TSHZ2: variants seen among roughly 807,000 people sequenced by gnomAD.
TSHZ2 encodes the protein teashirt homolog 2.
Under a neutral mutation model 74.4 loss-of-function variants are expected in TSHZ2, and 21 were observed. The ratio of observed to expected loss-of-function variants is 0.28; its 90% confidence interval spans 0.20 to 0.41. The LOEUF is 0.41. Ranked by LOEUF, TSHZ2 falls within the 10% of genes least tolerant of loss-of-function variation. The pLI, the probability that TSHZ2 is intolerant of heterozygous loss-of-function variation, is 1.00. For synonymous variants in TSHZ2, 540 were observed against 515.3 expected (o/e 1.05, Z -0.65); for missense variants, 1,244 against 1,293.5 (o/e 0.96, Z 0.59).
At chr20:53,069,929 C>T (rs540750710) in intron 1 of TSHZ2, among the ~76,000 whole-genome samples, 196 of 152,236 alleles carry the variant, frequency 1.3e-3, no homozygotes, top group Non-Finnish European at 2.0e-3. Context: ...CTTAGGGTCC[C>T]GTTCCAACAT....
At chr20:53,471,692 T>C (rs1320334494) in intron 2 of TSHZ2, among the ~76,000 whole-genome samples, 1 of 151,932 alleles carries the variant, frequency 6.6e-6, no homozygotes, top group East Asian at 1.9e-4. Flanking sequence ...TCTTGGTATA[T>C]ATCAAGTGGC....
intron 1 of TSHZ2, among the ~76,000 whole-genome samples, chr20:53,028,227 C>T (rs1161627674): frequency 1.3e-5 from 2 of 152,188 alleles, no homozygotes; most frequent in African/African-American, 4.8e-5. Flanking sequence ...ACATGAAAGC[C>T]ACACTCATGG....
rs869242676 is a variant in TSHZ2, at chr20:53,038,192, C to CAAAAAAAAAA, written c.40+64891_40+64900dup. On this transcript the variant is annotated intron_variant, in intron 1 of 2. Coordinates refer to ENST00000371497, the MANE Select transcript of TSHZ2 (RefSeq NM_173485.6). ...GGGCGACAAGAGCGGGATTCCGTCT[C>CAAAAAAAAAA]AAAAAAAAAAAAAAAAAAAAAAAAA... Among the ~76,000 whole-genome samples the CAAAAAAAAAA allele has an allele frequency of 1.3e-4, 7 of 53,942 alleles. 1 individual carries two copies. Among genetic ancestry groups the CAAAAAAAAAA allele is most frequent in the Non-Finnish European group, 1.7e-4 (5 of 28,904 alleles). 35.4% of individuals were successfully genotyped at this position (53,942 alleles called of 152,430 possible).
At chr20:53,219,061 C>G (rs1989496338) in intron 1 of TSHZ2, among the ~76,000 whole-genome samples, 1 of 152,200 alleles carries the variant, frequency 6.6e-6, no homozygotes, top group Admixed American at 6.5e-5. Flanking sequence ...CCATTTCCAA[C>G]AAGAAAACAG....
At chr20:53,261,276 G>C (rs548800714) in intron 2 of TSHZ2, among the ~76,000 whole-genome samples, 15 of 152,288 alleles carry the variant, frequency 9.8e-5, no homozygotes, top group African/African-American at 3.4e-4. Flanking sequence ...ATCAAACATT[G>C]CAACTCAGGG....
In TSHZ2 at chr20:53,149,962, G is replaced by T. The variant is rs559058097; in HGVS notation, c.41-103537G>T. Reference sequence around the variant, plus strand: ...AATAGAGTCTGCTTATCATTTCATTGCAAAGGGGAAGTGTTCCTTATTCTA... The same window carrying T: ...AATAGAGTCTGCTTATCATTTCATTTCAAAGGGGAAGTGTTCCTTATTCTA... On this transcript the variant is annotated intron_variant, in intron 1 of 2. Transcript: ENST00000371497. Among the ~76,000 whole-genome samples the T allele has an allele frequency of 2.0e-5, 3 of 152,300 alleles. No individual in the cohort carries two copies. The South Asian group carries it at 6.2e-4, about 32-fold the overall frequency.
Position 53,489,438 on chromosome 20 carries a change from C to A in TSHZ2, c.*2303C>A. 1 of 316,884 alleles carries A rather than the reference C, an allele frequency of 3.2e-6. No homozygotes were observed. The highest frequency in any genetic ancestry group is 2.2e-5 in the African/African-American group (1 of 46,258). The allele number at this position is 316,884 out of a possible 1,614,324, so 19.6% of individuals were successfully genotyped here. A position where few individuals can be genotyped will look rare whatever the true frequency, so the allele number is the denominator to read the frequency against. On this transcript the variant is annotated 3_prime_UTR_variant, in exon 3 of 3. Coordinates refer to ENST00000371497, the MANE Select transcript of TSHZ2 (RefSeq NM_173485.6). ...TGCATTAGTATTGGGGTTCTCGTAG[C>A]TGTTAAAAATTGTCTGCTCCAATCC...
intron 1 of TSHZ2, among the ~76,000 whole-genome samples, chr20:53,142,196 G>A (rs1284118719): frequency 6.6e-6 from 1 of 152,184 alleles, no homozygotes; most frequent in Admixed American, 6.5e-5. Flanking sequence ...GAGTACAGGG[G>A]AAACGACCTT....
intron 2 of TSHZ2, among the ~76,000 whole-genome samples, chr20:53,427,306 AC>A (rs1219545841): frequency 6.6e-6 from 1 of 152,112 alleles, no homozygotes; most frequent in African/African-American, 2.4e-5. Flanking sequence ...TGTGAAATTA[AC>A]CCTTGATTAC....
At chr20:52,999,631 C>G (rs764130737) in intron 1 of TSHZ2, among the ~76,000 whole-genome samples, 5 of 152,118 alleles carry the variant, frequency 3.3e-5, no homozygotes, top group Non-Finnish European at 7.4e-5. Context: ...GATTTCCTAC[C>G]CTGTTGCCCA....
chr20:53,122,208 A>C (rs1237231218), intron 1 of TSHZ2, among the ~76,000 whole-genome samples: 1 of 151,316 alleles, frequency 6.6e-6, no homozygotes, highest in Admixed American at 6.6e-5. Context: ...GGGTCGATTG[A>C]GCCCAGCAGG....
chr20:53,423,597 G>A (rs1411386577), intron 2 of TSHZ2, among the ~76,000 whole-genome samples: 6 of 152,150 alleles, frequency 3.9e-5, no homozygotes, highest in African/African-American at 9.7e-5. Flanking sequence ...CCTTCACCCA[G>A]AGTTTTCTCT....
At chr20:53,033,404 A>ACCTATGTAGTCACAT (rs1983707861) in intron 1 of TSHZ2, among the ~76,000 whole-genome samples, 1 of 152,112 alleles carries the variant, frequency 6.6e-6, no homozygotes, top group Non-Finnish European at 1.5e-5. Context: ...ATTTTGGGGA[A>ACCTATGTAGTCACAT]AAGCGAACAT....
chr20:53,435,028 A>G (rs1600636165), intron 2 of TSHZ2, among the ~76,000 whole-genome samples: 2 of 152,268 alleles, frequency 1.3e-5, no homozygotes, highest in East Asian at 3.8e-4. Context: ...GAGAAAACAA[A>G]ACCAAAAAAG....
intron 1 of TSHZ2, among the ~76,000 whole-genome samples, chr20:53,197,475 G>A (rs1288785461): frequency 6.6e-6 from 1 of 152,132 alleles, no homozygotes; most frequent in Non-Finnish European, 1.5e-5. Flanking sequence ...CTATTTAGCT[G>A]TTCAATTTAA....
intron 2 of TSHZ2, chr20:53,399,944 A>G (rs1982591967): frequency 6.6e-6 from 1 of 152,366 alleles, no homozygotes; most frequent in African/African-American, 2.4e-5. Context: ...AGTGCTGTGT[A>G]CAGGCTGGCC....
At chr20:52,975,768 G>A (rs1045895576) in intron 1 of TSHZ2, among the ~76,000 whole-genome samples, 2 of 152,056 alleles carry the variant, frequency 1.3e-5, no homozygotes, top group African/African-American at 4.8e-5. Flanking sequence ...GTTCATCTAA[G>A]GTCATCAATG....
At chr20:53,377,042 G>A (rs535561545) in intron 2 of TSHZ2, among the ~76,000 whole-genome samples, 85 of 152,284 alleles carry the variant, frequency 5.6e-4, no homozygotes, top group Non-Finnish European at 1.0e-3. Context: ...TCACAGAATC[G>A]TGGTGTACTT....
At chr20:53,384,978 G>A (rs978975036) in intron 2 of TSHZ2, among the ~76,000 whole-genome samples, 17 of 152,144 alleles carry the variant, frequency 1.1e-4, no homozygotes, top group Non-Finnish European at 1.9e-4. Context: ...AAAATTAGCC[G>A]GGCATAGTGG....
Sources: allele counts gnomAD v4.1 joint callset (sites outside exome capture counted in the v4.1 genomes callset), GRCh38; gene constraint gnomAD v4.1.1; transcripts MANE v1.5; gene names NCBI Gene and HGNC (gene_info 2026-07-23, HGNC 2026-07-21).